The following HECW2 variants were observed in gnomAD, a reference collection of about 807,000 sequenced individuals.
HECW2 encodes HECT, C2 and WW domain containing E3 ubiquitin protein ligase 2, also known as E3 ubiquitin-protein ligase HECW2.
HECW2 carries 61 observed loss-of-function variants against 175.2 expected under a neutral mutation model. That is an observed-to-expected ratio of 0.35 (90% CI 0.28 to 0.43). The LOEUF (loss-of-function observed/expected upper bound fraction) is 0.43. Among genes scored for constraint, HECW2 ranks in the 20% least tolerant of loss-of-function variants. The pLI is 1.00. For synonymous variants in HECW2, 671 were observed against 731.0 expected (o/e 0.92, Z 1.32); for missense variants, 1,524 against 2,000.5 (o/e 0.76, Z 4.54).
chr2:196,266,524 G>T (rs1348815195), intron 17 of HECW2, among the ~76,000 whole-genome samples: 5 of 152,136 alleles, frequency 3.3e-5, no homozygotes, highest in Admixed American at 3.3e-4. Context: ...AATCAGGAGA[G>T]GACTAAGGGA....
At chr2:196,455,326 C>A (rs900505094) in intron 1 of HECW2, among the ~76,000 whole-genome samples, 13 of 152,168 alleles carry the variant, frequency 8.5e-5, no homozygotes, top group Non-Finnish European at 1.8e-4. Flanking sequence ...GCCACAATGC[C>A]CGGCCCCTTT....
intron 2 of HECW2, among the ~76,000 whole-genome samples, chr2:196,344,905 A>G (rs1349959060): frequency 6.6e-6 from 1 of 152,208 alleles, no homozygotes; most frequent in Non-Finnish European, 1.5e-5. Flanking sequence ...TTCTTCTTTT[A>G]AGCATGAAAG....
rs557507547 is a variant in HECW2 at position 196,293,794 on chromosome 2, T to A, written c.2815-1044A>T. Among the ~76,000 whole-genome samples the A allele has an allele frequency of 2.6e-5, 4 of 152,294 alleles. No individual in the cohort carries two copies. The South Asian group carries it at 8.3e-4, about 32-fold the overall frequency. On this transcript the variant is annotated intron_variant, in intron 13 of 28. Transcript: ENST00000644978. ...CTAGGTTATTGGCTCTCTGAGTGAG[T>A]GCCAGATGACACAACTAGTATACAC...
At chr2:196,373,346 T>C (rs1296346343) in intron 2 of HECW2, among the ~76,000 whole-genome samples, 1 of 152,236 alleles carries the variant, frequency 6.6e-6, no homozygotes, top group Non-Finnish European at 1.5e-5. Context: ...TATAATTATG[T>C]TAATTTCTTT....
intron 1 of HECW2, among the ~76,000 whole-genome samples, chr2:196,581,758 C>T (rs1055518117): frequency 1.3e-5 from 2 of 151,934 alleles, no homozygotes; most frequent in Admixed American, 1.3e-4. Context: ...ATGATAGATG[C>T]TAGGGATGTA....
intron 4 of HECW2, among the ~76,000 whole-genome samples, chr2:196,330,209 T>C (rs755391911): frequency 1.0e-3 from 153 of 152,338 alleles, no homozygotes; most frequent in Admixed American, 2.2e-3. Flanking sequence ...TGCAGTGCTA[T>C]TATACTGATA....
intron 1 of HECW2, among the ~76,000 whole-genome samples, chr2:196,437,844 G>C (rs1416990043): frequency 6.6e-6 from 1 of 152,122 alleles, no homozygotes; most frequent in Non-Finnish European, 1.5e-5. Context: ...TCCAAGGACA[G>C]TGTCAAATGC....
At position 196,522,119 on chromosome 2, in the gene HECW2, T is replaced by A. The variant is rs190358261; in HGVS notation, c.-36+71389A>T. Among the ~76,000 whole-genome samples, 494 of 152,310 alleles carry A rather than the reference T, an allele frequency of 3.2e-3. 2 individuals are homozygous for A. The highest frequency in any genetic ancestry group is 5.6e-3 in the Non-Finnish European group (381 of 68,034). ...CACCAACAGTGTAAAAGTGTTCCTA[T>A]TTCTCCACATCCTCTCCAGCATCTG... is the stretch of plus-strand genomic sequence containing the variant. On this transcript the variant is annotated intron_variant, in intron 1 of 28. Coordinates refer to ENST00000644978, the MANE Select transcript of HECW2 (RefSeq NM_001348768.2).
intron 1 of HECW2, among the ~76,000 whole-genome samples, chr2:196,539,860 G>C (rs1010595587): frequency 1.3e-5 from 2 of 152,172 alleles, no homozygotes; most frequent in Non-Finnish European, 2.9e-5. Flanking sequence ...CTACCTCTGA[G>C]CACTGCAAGG....
intron 1 of HECW2, among the ~76,000 whole-genome samples, chr2:196,458,589 T>C (rs994714305): frequency 3.3e-5 from 5 of 152,130 alleles, no homozygotes; most frequent in Admixed American, 2.0e-4. Context: ...AAGTGTAGGC[T>C]GGGCGTGGTG....
intron 1 of HECW2, among the ~76,000 whole-genome samples, chr2:196,464,855 A>G (rs1462011838): frequency 6.6e-6 from 1 of 152,170 alleles, no homozygotes; most frequent in Non-Finnish European, 1.5e-5. Flanking sequence ...GCCTGGCCTA[A>G]CACAGTGAAA....
chr2:196,468,806 T>C (rs1311993854), intron 1 of HECW2, among the ~76,000 whole-genome samples: 1 of 152,180 alleles, frequency 6.6e-6, no homozygotes, highest in Admixed American at 6.5e-5. Flanking sequence ...GGAAGGATGA[T>C]ATACATATAT....
intron 28 of HECW2, among the ~76,000 whole-genome samples, chr2:196,210,788 A>T (rs946204504): frequency 5.6e-5 from 8 of 142,932 alleles, no homozygotes; most frequent in East Asian, 2.0e-4. Flanking sequence ...TAATTTTTGT[A>T]TTTTTTTTTT....
At chr2:196,395,156 CA>C (rs1445333986) in intron 2 of HECW2, among the ~76,000 whole-genome samples, 1 of 152,078 alleles carries the variant, frequency 6.6e-6, no homozygotes, top group African/African-American at 2.4e-5. Context: ...TGGGAAGAAA[CA>C]AAGATTCAGA....
At chr2:196,535,335 C>T (rs1688985889) in intron 1 of HECW2, among the ~76,000 whole-genome samples, 1 of 152,096 alleles carries the variant, frequency 6.6e-6, no homozygotes, top group African/African-American at 2.4e-5. Flanking sequence ...TATTCTTAAG[C>T]GCCACTTCAA....
chr2:196,543,077 T>C (rs905598300), intron 1 of HECW2, among the ~76,000 whole-genome samples: 1 of 150,604 alleles, frequency 6.6e-6, no homozygotes, highest in African/African-American at 2.4e-5. Flanking sequence ...ATATTAGCAG[T>C]TGCTATCACT....
intron 28 of HECW2, among the ~76,000 whole-genome samples, chr2:196,204,209 G>T (rs1332039954): frequency 1.3e-5 from 2 of 151,952 alleles, no homozygotes; most frequent in Non-Finnish European, 2.9e-5. Flanking sequence ...TCAATTTTTT[G>T]GGGGATATAC....
chr2:196,496,192 T>A (rs956186414), intron 1 of HECW2, among the ~76,000 whole-genome samples: 8 of 152,112 alleles, frequency 5.3e-5, no homozygotes, highest in African/African-American at 1.9e-4. Flanking sequence ...ATATATTTTT[T>A]AACTTTACCT....
At chr2:196,549,915 T>C (rs1689553165) in intron 1 of HECW2, among the ~76,000 whole-genome samples, 1 of 152,290 alleles carries the variant, frequency 6.6e-6, no homozygotes, top group Middle Eastern at 3.4e-3. Context: ...AGTGTGTAAA[T>C]GGCAAGGTAA....
Sources: allele counts gnomAD v4.1 joint callset (sites outside exome capture counted in the v4.1 genomes callset), GRCh38; gene constraint gnomAD v4.1.1; transcripts MANE v1.5; gene names NCBI Gene and HGNC (gene_info 2026-07-23, HGNC 2026-07-21).